The following SCAPER variants were observed in gnomAD, a reference collection of about 807,000 sequenced individuals.
SCAPER encodes the protein S phase cyclin A-associated protein in the endoplasmic reticulum.
Under a neutral mutation model 182.2 loss-of-function variants are expected in SCAPER, and 98 were observed. The observed-to-expected ratio is 0.54, with a 90% CI of 0.46 to 0.64. The LOEUF (loss-of-function observed/expected upper bound fraction) is 0.64, where lower values mean the gene tolerates loss of function less well. SCAPER is among the 30% of genes least tolerant of loss of function. The pLI is 0.00. For missense variants in SCAPER, 1,432 were observed against 1,690.0 expected, an observed-to-expected ratio of 0.85 and a Z score of 2.68; for synonymous variants, 605 against 564.6, an observed-to-expected ratio of 1.07 and a Z score of -1.01.
In SCAPER at chr15:76,351,235, A is replaced by G; in HGVS notation, c.4099+2T>C. The G allele has an allele frequency of 6.2e-7, 1 of 1,608,244 alleles. No individual in the cohort carries two copies. The highest frequency in any genetic ancestry group is 8.5e-7 in the Non-Finnish European group (1 of 1,177,142). The stretch of plus-strand genomic sequence containing the variant: ...TGAAATTTAATTTCAATAGAGACAT[A>G]CCTTTGGGTTGGTAAGGCTGGTTTT... On this transcript the variant is annotated splice_donor_variant, in intron 31 of 31. Coordinates refer to ENST00000563290, the MANE Select transcript of SCAPER (RefSeq NM_020843.4). LOFTEE classifies it high-confidence loss of function.
chr15:76,726,438 A>C (rs1598394234), intron 17 of SCAPER, among the ~76,000 whole-genome samples: 3 of 151,688 alleles, frequency 2.0e-5, no homozygotes, highest in Admixed American at 6.6e-5. Context: ...GCTGCTATGA[A>C]AAACAGTAGG....
At chr15:76,814,492 GACC>G (rs767475570) in intron 5 of SCAPER, among the ~76,000 whole-genome samples, 99 of 151,976 alleles carry the variant, frequency 6.5e-4, no homozygotes, top group Admixed American at 6.6e-4. Context: ...TTTTCAACAA[GACC>G]ACCAAAAAAA....
At chr15:76,736,311 T>C (rs1484421268) in intron 15 of SCAPER, among the ~76,000 whole-genome samples, 3 of 152,224 alleles carry the variant, frequency 2.0e-5, no homozygotes, top group African/African-American at 7.2e-5. Context: ...TGATGGCTGC[T>C]GACTGATCAG....
chr15:76,553,704 A>T (rs2045965275), intron 23 of SCAPER, among the ~76,000 whole-genome samples: 1 of 152,188 alleles, frequency 6.6e-6, no homozygotes, highest in South Asian at 2.1e-4. Flanking sequence ...CACACAGCCA[A>T]GGAGTCCTGA....
chr15:76,575,398 T>C (rs921283981), intron 22 of SCAPER, among the ~76,000 whole-genome samples: 1 of 152,226 alleles, frequency 6.6e-6, no homozygotes, highest in Non-Finnish European at 1.5e-5. Flanking sequence ...TTTCTCTCTT[T>C]TGCTTTCATA....
chr15:76,841,689 G>A (rs922053104), intron 5 of SCAPER, 45 bp downstream of exon 5: 6 of 1,574,074 alleles, frequency 3.8e-6, no homozygotes, highest in South Asian at 3.5e-5. Context: ...AAAAATTCAA[G>A]AATCTGAGTT....
intron 22 of SCAPER, among the ~76,000 whole-genome samples, chr15:76,606,044 A>G (rs1046044286): frequency 6.6e-6 from 1 of 151,950 alleles, no homozygotes; most frequent in Admixed American, 6.5e-5. Context: ...GATCTTAGTT[A>G]TTTCTTGCCT....
chr15:76,743,827 G>T (rs2061667824), intron 15 of SCAPER, among the ~76,000 whole-genome samples: 1 of 152,052 alleles, frequency 6.6e-6, no homozygotes, highest in East Asian at 1.9e-4. Context: ...TGCCCCAATA[G>T]CCAAAGCAAT....
chr15:76,536,373 C>A (rs948928288), intron 23 of SCAPER, among the ~76,000 whole-genome samples: 18 of 152,118 alleles, frequency 1.2e-4, no homozygotes, highest in Non-Finnish European at 2.1e-4. Context: ...GGGAAAAAAA[C>A]CACTTTTGAA....
rs544396389 is a variant in SCAPER, at chr15:76,566,781, A to T, written c.2838+7377T>A. 3.9e-5 allele frequency among the ~76,000 whole-genome samples: 6 copies of T among 152,204 alleles called. 1 individual carries two copies. The highest frequency in any genetic ancestry group is 1.4e-4 in the African/African-American group (6 of 41,564). ...TGAAATAACATTTCTTCAATAAAAA[A>T]TTTCTTTTATTTGGAGCAATTTATT... is the stretch of plus-strand genomic sequence containing the variant. On this transcript the variant is annotated intron_variant, in intron 23 of 31. Coordinates refer to ENST00000563290, the MANE Select transcript of SCAPER (RefSeq NM_020843.4).
intron 18 of SCAPER, 77 bp from the exon 19 acceptor site, chr15:76,703,079 A>G (rs1169460561): frequency 7.0e-7 from 1 of 1,435,274 alleles, no homozygotes; most frequent in Non-Finnish European, 9.3e-7. Flanking sequence ...TAATATTTCC[A>G]TTAAAACTTC....
At chr15:76,701,995 G>C (rs997621903) in intron 19 of SCAPER, 130 bp from the exon 20 acceptor site, 2 of 540,332 alleles carry the variant, frequency 3.7e-6, no homozygotes, top group African/African-American at 3.9e-5. Context: ...CTTAAAAATA[G>C]TTTCCTCAGA....
intron 2 of SCAPER, among the ~76,000 whole-genome samples, chr15:76,875,925 G>A (rs560592935): frequency 1.3e-5 from 2 of 151,766 alleles, no homozygotes; most frequent in Non-Finnish European, 2.9e-5. Flanking sequence ...CACGGTGGGG[G>A]GCGGGGTCAG....
At chr15:76,584,179 C>A (rs572978062) in intron 22 of SCAPER, among the ~76,000 whole-genome samples, 1 of 151,980 alleles carries the variant, frequency 6.6e-6, no homozygotes, top group Non-Finnish European at 1.5e-5. Flanking sequence ...ATAAGACAAA[C>A]TTTCCTTGTT....
At chr15:76,849,667 G>A (rs1427549039) in intron 4 of SCAPER, among the ~76,000 whole-genome samples, 1 of 152,212 alleles carries the variant, frequency 6.6e-6, no homozygotes, top group Non-Finnish European at 1.5e-5. Flanking sequence ...GACCAAGGAA[G>A]AAGCTATCAA....
At chr15:76,898,920 T>G (rs2074584663) in intron 1 of SCAPER, among the ~76,000 whole-genome samples, 1 of 152,216 alleles carries the variant, frequency 6.6e-6, no homozygotes, top group Admixed American at 6.5e-5. Context: ...GTATGTGAAG[T>G]ATAGCTCAAT....
Position 76,574,241 on chromosome 15 carries a change from G to T in SCAPER, c.2755C>A (p.Gln919Lys). 1.2e-6 allele frequency: 2 copies of T among 1,611,802 alleles called. No homozygotes were observed. The highest frequency in any genetic ancestry group is 2.2e-5 in the South Asian group (2 of 90,770). Residue 919 changes from glutamine to lysine, a missense_variant, in exon 23 of 32, where the codon CAA (glutamine) becomes AAA (lysine). Gln to Lys is a moderately conservative substitution (Grantham distance 53). Coordinates refer to ENST00000563290, the MANE Select transcript of SCAPER (RefSeq NM_020843.4). ...AKDLLKQVQVQDSGSWANNKV... is the reference protein window; with the variant it reads ...AKDLLKQVQVKDSGSWANNKV... ...TTGTTTGCCCATGAGCCACTGTCTT[G>T]AACTTGTACTTGTTTTAGAAGATCT...
intron 25 of SCAPER, among the ~76,000 whole-genome samples, chr15:76,453,025 G>C (rs1567169487): frequency 6.6e-6 from 1 of 152,014 alleles, no homozygotes; most frequent in African/African-American, 2.4e-5. Flanking sequence ...GTAGTGATGG[G>C]GTCTTGCTAT....
intron 21 of SCAPER, among the ~76,000 whole-genome samples, chr15:76,650,698 C>CA (rs2054960268): frequency 2.0e-5 from 3 of 152,032 alleles, no homozygotes; most frequent in African/African-American, 7.2e-5. Context: ...ATAGAAAGTA[C>CA]ACCTATAATA....
Sources: gnomAD v4.1 joint callset for allele counts (sites outside exome capture counted in the v4.1 genomes callset) on GRCh38, gnomAD v4.1.1 for gene constraint, MANE v1.5 for transcripts, NCBI Gene and HGNC (gene_info 2026-07-23, HGNC 2026-07-21) for gene names.